The following GRM8 variants were observed in gnomAD, a reference collection of about 807,000 sequenced individuals.
GRM8 encodes metabotropic glutamate receptor 8.
Under a neutral mutation model 87.2 loss-of-function variants are expected in GRM8, and 47 were observed. The ratio of observed to expected loss-of-function variants is 0.54; its 90% CI spans 0.43 to 0.69. The LOEUF (loss-of-function observed/expected upper bound fraction) is 0.69, where lower values mean the gene tolerates loss of function less well. GRM8 is among the 30% of genes least tolerant of loss of function. GRM8 has a pLI of 0.00. For synonymous variants in GRM8, 396 were observed against 404.5 expected (o/e 0.98, Z 0.25); for missense variants, 1,019 against 1,139.2 (o/e 0.89, Z 1.52).
At chr7:127,177,435 G>A (rs577346132) in intron 2 of GRM8, among the ~76,000 whole-genome samples, 1 of 152,296 alleles carries the variant, frequency 6.6e-6, no homozygotes, top group East Asian at 1.9e-4. Context: ...GAAGACAAAG[G>A]GCATATAATC....
At chr7:126,898,232 C>T (rs1350487521) in intron 6 of GRM8, among the ~76,000 whole-genome samples, 10 of 152,222 alleles carry the variant, frequency 6.6e-5, no homozygotes, top group South Asian at 2.1e-4. Context: ...ACTTTGCAAA[C>T]GCTGGACACC....
At chr7:126,647,917 T>A (rs1278227114) in intron 7 of GRM8, among the ~76,000 whole-genome samples, 2 of 152,150 alleles carry the variant, frequency 1.3e-5, no homozygotes. Context: ...ATTACCTTAA[T>A]CAAAATTCTT....
In GRM8 at chr7:126,945,633, C is replaced by A. The variant is rs1045542859; in HGVS notation, c.728-40950G>T. ...TTCATGTTTATACTTGTGTCCCATCCCCAAGATATGTCATTATGTATATGC... is the reference window on the plus strand; with the variant it reads ...TTCATGTTTATACTTGTGTCCCATCACCAAGATATGTCATTATGTATATGC... On this transcript the variant is annotated intron_variant, in intron 3 of 10. Transcript: ENST00000339582. 4.6e-5 allele frequency among the ~76,000 whole-genome samples: 7 copies of A among 152,082 alleles called. No individual in the cohort carries two copies. In the South Asian group the frequency reaches 8.3e-4, roughly 18 times the overall value.
chr7:127,135,073 T>C (rs1262412937), intron 2 of GRM8, among the ~76,000 whole-genome samples: 1 of 152,140 alleles, frequency 6.6e-6, no homozygotes, highest in African/African-American at 2.4e-5. Context: ...CTGTCTTTTT[T>C]TTAGATCAAT....
At chr7:126,823,647 A>C (rs1935440431) in intron 6 of GRM8, among the ~76,000 whole-genome samples, 1 of 152,240 alleles carries the variant, frequency 6.6e-6, no homozygotes, top group South Asian at 2.1e-4. Context: ...TCATTTCAAA[A>C]TGTTATCAAT....
intron 6 of GRM8, among the ~76,000 whole-genome samples, chr7:126,772,789 T>C (rs2151615716): frequency 6.6e-6 from 1 of 152,186 alleles, no homozygotes; most frequent in Admixed American, 6.6e-5. Context: ...ACCATGTCCT[T>C]AGACACACAG....
intron 6 of GRM8, among the ~76,000 whole-genome samples, chr7:126,806,188 T>A (rs1363445905): frequency 6.6e-6 from 1 of 152,190 alleles, no homozygotes; most frequent in Admixed American, 6.5e-5. Flanking sequence ...TTCCTTCCGG[T>A]GGGTTCGTGG....
chr7:127,016,172 G>A (rs1815647023), intron 3 of GRM8, among the ~76,000 whole-genome samples: 1 of 152,018 alleles, frequency 6.6e-6, no homozygotes, highest in African/African-American at 2.4e-5. Context: ...CAGGGGAGAA[G>A]CATCTCTAAA....
At chr7:126,521,596 T>G (rs1015046667) in intron 9 of GRM8, among the ~76,000 whole-genome samples, 1 of 152,104 alleles carries the variant, frequency 6.6e-6, no homozygotes, top group Non-Finnish European at 1.5e-5. Flanking sequence ...AATTGAAAAT[T>G]GACTAATTCT....
chr7:126,942,565 C>T (rs1241576815), intron 3 of GRM8, among the ~76,000 whole-genome samples: 1 of 152,164 alleles, frequency 6.6e-6, no homozygotes, highest in Non-Finnish European at 1.5e-5. Context: ...TGACAATAAG[C>T]CAAATACCTT....
At chr7:126,572,089 A>G (rs1255942436) in intron 8 of GRM8, among the ~76,000 whole-genome samples, 1 of 152,182 alleles carries the variant, frequency 6.6e-6, no homozygotes, top group Non-Finnish European at 1.5e-5. Flanking sequence ...AGAGGACAGA[A>G]GATAAAACGA....
chr7:126,825,660 C>A (rs558329391), intron 6 of GRM8, among the ~76,000 whole-genome samples: 1 of 152,184 alleles, frequency 6.6e-6, no homozygotes, highest in South Asian at 2.1e-4. Context: ...GTTGTAACTT[C>A]AATTGACAAC....
intron 8 of GRM8, among the ~76,000 whole-genome samples, chr7:126,566,324 A>G (rs1336572116): frequency 6.6e-6 from 1 of 152,210 alleles, no homozygotes; most frequent in Non-Finnish European, 1.5e-5. Context: ...CTACAACTCA[A>G]TAGCAAAAAA....
chr7:127,216,450 G>A (rs537950896), intron 2 of GRM8, among the ~76,000 whole-genome samples: 12 of 150,260 alleles, frequency 8.0e-5, no homozygotes, highest in African/African-American at 2.2e-4. Flanking sequence ...CCCAGCAGGC[G>A]GAGGTTGCAG....
At chr7:126,714,067 T>G in intron 7 of GRM8, among the ~76,000 whole-genome samples, 1 of 148,418 alleles carries the variant, frequency 6.7e-6, no homozygotes, top group Admixed American at 6.7e-5. Context: ...AGGTAAGGAG[T>G]CCAAGTACAG....
chr7:126,663,011 T>C (rs1357128525), intron 7 of GRM8, among the ~76,000 whole-genome samples: 2 of 152,238 alleles, frequency 1.3e-5, no homozygotes, highest in Non-Finnish European at 2.9e-5. Context: ...TGTTCACTTA[T>C]GGGCGACCAC....
At chr7:126,869,943 A>T (rs1261447019) in intron 6 of GRM8, 1 of 97,746 alleles carries the variant, frequency 1.0e-5, no homozygotes, top group Non-Finnish European at 2.1e-5. Context: ...TAAAAAAAAA[A>T]AAAAAAAAAA....
chr7:127,052,364 T>A (rs116268619), intron 3 of GRM8, among the ~76,000 whole-genome samples: 2,139 of 152,300 alleles, frequency 0.014, 46 homozygotes, highest in African/African-American at 0.049. Context: ...TTCTCAGTAG[T>A]TGTTCCCTGT....
chr7:126,462,115 G>T (rs1192791927), intron 9 of GRM8, among the ~76,000 whole-genome samples: 4 of 151,508 alleles, frequency 2.6e-5, no homozygotes, highest in Admixed American at 6.6e-5. Flanking sequence ...AACTAGTTAT[G>T]ACTTGTTCCA....
Sources: allele counts gnomAD v4.1 joint callset (sites outside exome capture counted in the v4.1 genomes callset), GRCh38; gene constraint gnomAD v4.1.1; transcripts MANE v1.5; gene names NCBI Gene and HGNC (gene_info 2026-07-23, HGNC 2026-07-21).